The following NXPH2 variants were observed in gnomAD, a reference collection of about 807,000 sequenced individuals.
NXPH2 encodes neurexophilin-2.
Under a neutral mutation model 19.8 loss-of-function variants are expected in NXPH2, and 5 were observed. That is an observed-to-expected ratio of 0.25 (90% CI 0.13 to 0.53). NXPH2 has a LOEUF of 0.53. Among genes scored for constraint, NXPH2 ranks in the 20% least tolerant of loss-of-function variants. The pLI, the probability that NXPH2 is intolerant of heterozygous loss-of-function variation, is 0.96. For missense variants in NXPH2, 289 were observed against 322.8 expected, an observed-to-expected ratio of 0.90 and a Z score of 0.80; for synonymous variants, 154 against 127.4, an observed-to-expected ratio of 1.21 and a Z score of -1.41.
intron 1 of NXPH2, among the ~76,000 whole-genome samples, chr2:138,718,227 G>A (rs1236783870): frequency 2.6e-5 from 4 of 151,936 alleles, no homozygotes; most frequent in Non-Finnish European, 5.9e-5. Flanking sequence ...ATGGGGAAAA[G>A]ACACATACTT....
intron 1 of NXPH2, among the ~76,000 whole-genome samples, chr2:138,726,698 C>T (rs1220070859): frequency 5.3e-5 from 8 of 152,122 alleles, no homozygotes; most frequent in Non-Finnish European, 1.2e-4. Flanking sequence ...GTTTCTCCCA[C>T]ACATGCACAT....
At chr2:138,758,392 T>G (rs17657993) in intron 1 of NXPH2, among the ~76,000 whole-genome samples, 10,599 of 152,208 alleles carry the variant, frequency 0.07, 402 homozygotes, top group South Asian at 0.086. Context: ...TAAGCATAAC[T>G]GAAAGTTCAT....
chr2:138,709,692 C>T (rs1681068108), intron 1 of NXPH2, among the ~76,000 whole-genome samples: 1 of 152,136 alleles, frequency 6.6e-6, no homozygotes, highest in Admixed American at 6.5e-5. Context: ...CCCGTCCTCT[C>T]CCCAACCCCT....
intron 1 of NXPH2, among the ~76,000 whole-genome samples, chr2:138,673,620 T>G (rs902863315): frequency 6.6e-6 from 1 of 152,016 alleles, no homozygotes; most frequent in African/African-American, 2.4e-5. Context: ...ACTTGTTTTA[T>G]TTTATTTAAA....
chr2:138,746,470 G>A (rs548537112), intron 1 of NXPH2, among the ~76,000 whole-genome samples: 1 of 152,316 alleles, frequency 6.6e-6, no homozygotes, highest in East Asian at 1.9e-4. Context: ...GAGGATGAAT[G>A]GTGACCTGTA....
chr2:138,719,971 T>A (rs1293309256), intron 1 of NXPH2, among the ~76,000 whole-genome samples: 1 of 152,168 alleles, frequency 6.6e-6, no homozygotes, highest in Non-Finnish European at 1.5e-5. Context: ...TTTCAATATA[T>A]GGTACTACAT....
At chr2:138,720,719 C>T (rs181748105) in intron 1 of NXPH2, among the ~76,000 whole-genome samples, 4 of 152,312 alleles carry the variant, frequency 2.6e-5, no homozygotes, top group Non-Finnish European at 2.9e-5. Context: ...CAAGAAAATA[C>T]GGTTCAGATC....
chr2:138,741,455 C>G (rs1408629533), intron 1 of NXPH2, among the ~76,000 whole-genome samples: 1 of 152,118 alleles, frequency 6.6e-6, no homozygotes, highest in African/African-American at 2.4e-5. Flanking sequence ...AGGAAATCAT[C>G]CTCCATGTTT....
At chr2:138,748,713 A>C (rs1387772711) in intron 1 of NXPH2, among the ~76,000 whole-genome samples, 1 of 152,160 alleles carries the variant, frequency 6.6e-6, no homozygotes, top group Non-Finnish European at 1.5e-5. Context: ...GTAAAAGAAG[A>C]AGCTTCTACT....
chr2:138,776,821 TTA>T (rs919878149), intron 1 of NXPH2, among the ~76,000 whole-genome samples: 1 of 152,012 alleles, frequency 6.6e-6, no homozygotes, highest in African/African-American at 2.4e-5. Flanking sequence ...AATATTAAAA[TTA>T]TTAGTTTTAA....
At chr2:138,691,460 T>C (rs1680745822) in intron 1 of NXPH2, among the ~76,000 whole-genome samples, 1 of 152,192 alleles carries the variant, frequency 6.6e-6, no homozygotes, top group Admixed American at 6.5e-5. Context: ...TATCAGCATG[T>C]GTGAATGATT....
At chr2:138,770,121 T>C (rs1682154655) in intron 1 of NXPH2, among the ~76,000 whole-genome samples, 1 of 152,134 alleles carries the variant, frequency 6.6e-6, no homozygotes, top group African/African-American at 2.4e-5. Context: ...AAGACTTCTT[T>C]TCCCAAAACA....
chr2:138,737,795 A>C (rs1018526889), intron 1 of NXPH2, among the ~76,000 whole-genome samples: 2 of 152,212 alleles, frequency 1.3e-5, no homozygotes, highest in Non-Finnish European at 2.9e-5. Context: ...AGCTTATTTG[A>C]ATCATTACAT....
At chr2:138,732,510 C>T (rs1332143207) in intron 1 of NXPH2, among the ~76,000 whole-genome samples, 1 of 152,200 alleles carries the variant, frequency 6.6e-6, no homozygotes, top group East Asian at 1.9e-4. Context: ...GGGCTGTGCA[C>T]TTCCTTCCAA....
chr2:138,780,118 T>C, intron 1 of NXPH2, 73 bp downstream of exon 1: 1 of 1,409,662 alleles, frequency 7.1e-7, no homozygotes, highest in Non-Finnish European at 9.3e-7. Flanking sequence ...GGGCTCCAAG[T>C]CAGCCGCCTG....
At position 138,735,536 on chromosome 2, in the gene NXPH2, T is replaced by G. The variant is rs577693211; in HGVS notation, c.51+44655A>C. On this transcript the variant is annotated intron_variant, in intron 1 of 1. Transcript: ENST00000272641. ...CCCCCATGATTCAATTATCTCCCAT[T>G]GGGTCTCTCCCACAACACAAGGGAA... 1.0e-3 allele frequency among the ~76,000 whole-genome samples: 156 copies of G among 152,280 alleles called. 2 individuals are homozygous for G. In the South Asian group the frequency reaches 0.027, roughly 26 times the overall value.
At chr2:138,719,820 A>C (rs912577927) in intron 1 of NXPH2, among the ~76,000 whole-genome samples, 2 of 152,240 alleles carry the variant, frequency 1.3e-5, no homozygotes, top group Non-Finnish European at 1.5e-5. Context: ...CATGGAATGG[A>C]AACACTCTCA....
chr2:138,695,505 C>T (rs1473797489), intron 1 of NXPH2, among the ~76,000 whole-genome samples: 1 of 152,128 alleles, frequency 6.6e-6, no homozygotes, highest in Non-Finnish European at 1.5e-5. Context: ...GATATTACTT[C>T]TGCCCAAATA....
At chr2:138,718,316 T>C (rs1420579312) in intron 1 of NXPH2, among the ~76,000 whole-genome samples, 2 of 151,952 alleles carry the variant, frequency 1.3e-5, no homozygotes, top group Non-Finnish European at 2.9e-5. Flanking sequence ...GGGCCACTTA[T>C]AAAGGAAGGA....
Sources: allele counts gnomAD v4.1 joint callset (sites outside exome capture counted in the v4.1 genomes callset), GRCh38; gene constraint gnomAD v4.1.1; transcripts MANE v1.5; gene names NCBI Gene and HGNC (gene_info 2026-07-23, HGNC 2026-07-21).